Variants in WDR70 observed in about 807,000 individuals in gnomAD.
WDR70 encodes WD repeat-containing protein 70.
A neutral mutation model predicts 88.6 loss-of-function variants in WDR70; 53 were observed. The ratio of observed to expected loss-of-function variants is 0.60; its 90% CI spans 0.48 to 0.75. The LOEUF is 0.75. WDR70 is among the 30% of genes least tolerant of loss of function. The pLI is 0.00. For synonymous variants in WDR70, 280 were observed against 270.0 expected, an observed-to-expected ratio of 1.04 and a Z score of -0.36; for missense variants, 610 against 823.2, an observed-to-expected ratio of 0.74 and a Z score of 3.17.
chr5:37,556,428 C>T (rs1742297115), intron 9 of WDR70, among the ~76,000 whole-genome samples: 1 of 152,038 alleles, frequency 6.6e-6, no homozygotes, highest in Non-Finnish European at 1.5e-5. Context: ...TAAAATTACT[C>T]GGTTTCTCTT....
intron 8 of WDR70, among the ~76,000 whole-genome samples, chr5:37,497,462 T>TCTTCCCTTCCCTTCCGC (rs1740263269): frequency 8.1e-6 from 1 of 122,704 alleles, no homozygotes; most frequent in Non-Finnish European, 1.7e-5. Context: ...TTTCCTTCCG[T>TCTTCCCTTCCCTTCCGC]CTTCCCTTTC....
chr5:37,633,503 A>G (rs1271453489), intron 10 of WDR70, among the ~76,000 whole-genome samples: 1 of 151,752 alleles, frequency 6.6e-6, no homozygotes, highest in Non-Finnish European at 1.5e-5. Context: ...TAGATCTAGT[A>G]GCCAGATGAT....
rs906934241 is a variant in WDR70 at position 37,398,210 on chromosome 5, T to C, written c.492+1640T>C. 3.7e-4 allele frequency among the ~76,000 whole-genome samples: 55 copies of C among 150,252 alleles called. 1 individual carries two copies. The South Asian group carries it at 4.9e-3, about 13-fold the overall frequency. On this transcript the variant is annotated intron_variant, in intron 5 of 17. Transcript: ENST00000265107. ...TTCATGCCATTCTCCTGCCTCAGCC[T>C]CCTGAGTAGCTGAGACTACAGGCAC...
chr5:37,501,131 T>A (rs1393622636), intron 8 of WDR70, among the ~76,000 whole-genome samples: 1 of 152,162 alleles, frequency 6.6e-6, no homozygotes, highest in Non-Finnish European at 1.5e-5. Flanking sequence ...TTTGTTTGAG[T>A]TCCTCGTAGA....
chr5:37,451,983 AC>A (rs1400447785), intron 7 of WDR70, among the ~76,000 whole-genome samples: 7 of 151,968 alleles, frequency 4.6e-5, no homozygotes, highest in African/African-American at 1.7e-4. Context: ...ACAGAGTGAG[AC>A]TCCATCTCAA....
At chr5:37,562,885 C>T (rs1242116397) in intron 9 of WDR70, among the ~76,000 whole-genome samples, 1 of 151,542 alleles carries the variant, frequency 6.6e-6, no homozygotes, top group African/African-American at 2.4e-5. Flanking sequence ...ATTTCTCAAT[C>T]TTTTCCCCAC....
intron 5 of WDR70, among the ~76,000 whole-genome samples, chr5:37,418,514 G>T (rs1205426893): frequency 1.3e-5 from 2 of 151,800 alleles, no homozygotes; most frequent in Non-Finnish European, 2.9e-5. Flanking sequence ...TAGAGACGGG[G>T]TTTCACCGTG....
At chr5:37,399,042 G>T (rs1415507631) in intron 5 of WDR70, among the ~76,000 whole-genome samples, 1 of 152,196 alleles carries the variant, frequency 6.6e-6, no homozygotes, top group African/African-American at 2.4e-5. Flanking sequence ...ACTTTGGGAG[G>T]CCGAGATGGG....
intron 9 of WDR70, among the ~76,000 whole-genome samples, chr5:37,530,541 T>C (rs77151495): frequency 0.011 from 1,657 of 152,186 alleles, 22 homozygotes; most frequent in African/African-American, 0.037. Flanking sequence ...GAGGGTTATA[T>C]ATTTGGAGGA....
chr5:37,703,222 T>A, intron 13 of WDR70, 135 bp downstream of exon 13: 1 of 1,087,332 alleles, frequency 9.2e-7, no homozygotes, highest in Non-Finnish European at 1.3e-6. Flanking sequence ...CACTCTAGCG[T>A]AGGAGTTATC....
chr5:37,471,425 G>C (rs1739321047), intron 7 of WDR70, among the ~76,000 whole-genome samples: 1 of 150,370 alleles, frequency 6.7e-6, no homozygotes, highest in South Asian at 2.1e-4. Context: ...TTTCTCAAAT[G>C]GTTAAATCTT....
intron 9 of WDR70, among the ~76,000 whole-genome samples, chr5:37,588,954 G>A (rs779889870): frequency 1.3e-5 from 2 of 151,786 alleles, no homozygotes; most frequent in African/African-American, 2.4e-5. Context: ...TAGTGGAGAC[G>A]GGGTTTCACC....
Position 37,724,930 on chromosome 5 carries a change from G to A in WDR70, c.1598-4G>A, listed in dbSNP as rs757628826. On this transcript the variant is annotated splice_region_variant and splice_polypyrimidine_tract_variant and intron_variant, in intron 15 of 17. Transcript: ENST00000265107. ...TGAAATTTTTCAAATGTGACTTCTTGTAGCTCATGCCTTGCCTATGTTCCG... is the reference window on the plus strand; with the variant it reads ...TGAAATTTTTCAAATGTGACTTCTTATAGCTCATGCCTTGCCTATGTTCCG... 5 of 1,613,242 alleles carry A rather than the reference G, an allele frequency of 3.1e-6. No individual in the cohort carries two copies. In the African/African-American group the frequency reaches 6.7e-5, roughly 22 times the overall value.
intron 7 of WDR70, among the ~76,000 whole-genome samples, chr5:37,445,848 T>A (rs1365978585): frequency 2.6e-5 from 4 of 152,120 alleles, no homozygotes; most frequent in African/African-American, 7.2e-5. Context: ...GAATGGGCAA[T>A]AACTGGAAGC....
At chr5:37,605,803 A>C (rs1390470158) in intron 10 of WDR70, among the ~76,000 whole-genome samples, 1 of 152,198 alleles carries the variant, frequency 6.6e-6, no homozygotes, top group Non-Finnish European at 1.5e-5. Context: ...GAATCCATAT[A>C]AATAATGAAT....
chr5:37,719,656 A>G (rs965840166), intron 13 of WDR70, among the ~76,000 whole-genome samples: 1 of 152,128 alleles, frequency 6.6e-6, no homozygotes, highest in Non-Finnish European at 1.5e-5. Context: ...CTTCTAGAGT[A>G]AGTCTGTTAA....
chr5:37,731,975 T>A (rs1284897017), intron 17 of WDR70, among the ~76,000 whole-genome samples: 1 of 152,182 alleles, frequency 6.6e-6, no homozygotes, highest in Admixed American at 6.5e-5. Flanking sequence ...AGGTTATTGT[T>A]CTGACATCTA....
At position 37,703,100 on chromosome 5, in the gene WDR70, T is replaced by C; in HGVS notation, c.1416+13T>C. ...CATCACAGATGCGGTACGTATATTC[T>C]TTTCTCCTCAGCCTTGAGAATACAT... On this transcript the variant is annotated intron_variant, in intron 13 of 17. Transcript: ENST00000265107. The C allele has an allele frequency of 6.3e-7, 1 of 1,594,908 alleles. No homozygotes were observed. Among genetic ancestry groups the C allele is most frequent in the Non-Finnish European group, 8.6e-7 (1 of 1,164,238 alleles).
intron 13 of WDR70, among the ~76,000 whole-genome samples, chr5:37,716,940 C>T (rs933424706): frequency 3.3e-5 from 5 of 152,168 alleles, no homozygotes; most frequent in South Asian, 4.2e-4. Context: ...TCTTTCTCCC[C>T]GGCCTACCCC....
Sources: allele counts gnomAD v4.1 joint callset (sites outside exome capture counted in the v4.1 genomes callset), GRCh38; gene constraint gnomAD v4.1.1; transcripts MANE v1.5; gene names NCBI Gene and HGNC (gene_info 2026-07-23, HGNC 2026-07-21).